C1orf232: variants seen among roughly 807,000 people sequenced by gnomAD.
C1orf232 encodes the protein uncharacterized protein C1orf232.
In C1orf232, 10 loss-of-function variants were observed where a neutral mutation model predicts 12.1. The ratio of observed to expected loss-of-function variants is 0.82; its 90% CI spans 0.51 to 1.40. The LOEUF is 1.40. C1orf232 is among the 40% of genes most tolerant of loss of function. The pLI, the probability that C1orf232 is intolerant of heterozygous loss-of-function variation, is 0.00. For missense variants in C1orf232, 88 were observed against 98.4 expected (o/e 0.89, Z 0.45); for synonymous variants, 36 against 39.8 (o/e 0.90, Z 0.36).
intron 1 of C1orf232, among the ~76,000 whole-genome samples, chr1:26,166,522 G>A (rs1338963622): frequency 1.4e-5 from 2 of 145,374 alleles, no homozygotes; most frequent in African/African-American, 5.2e-5. Flanking sequence ...TTGCCATGTT[G>A]GCCAGGCTGG....
intron 1 of C1orf232, among the ~76,000 whole-genome samples, chr1:26,168,129 G>T (rs762542394): frequency 2.6e-5 from 4 of 152,056 alleles, no homozygotes; most frequent in Non-Finnish European, 5.9e-5. Flanking sequence ...AAGTGTGCCC[G>T]TGTGCCTACT....
Position 26,164,504 on chromosome 1 carries a change from G to A in C1orf232, c.267-49C>T. 2.7e-6 allele frequency: 1 copy of A among 373,358 alleles called. No individual in the cohort carries two copies. The highest frequency in any genetic ancestry group is 3.9e-5 in the East Asian group (1 of 25,362). 23.1% of individuals were successfully genotyped at this position (373,358 alleles called of 1,614,324 possible). A position where few individuals can be genotyped will look rare whatever the true frequency, so the allele number is the denominator to read the frequency against. The stretch of plus-strand genomic sequence containing the variant: ...GGAAGCGGCCGGGCGGTCCCGCGGA[G>A]GAACATCGGCTGGGCTGACGGAGGA... On this transcript the variant is annotated intron_variant, in intron 3 of 3. Transcript: ENST00000634842. The surrounding 1 kb of genome is among the most constrained non-coding windows in gnomAD (Gnocchi z 4.2).
In C1orf232 at chr1:26,164,486, G is replaced by A. The variant is rs775135605; in HGVS notation, c.267-31C>T. 488 of 375,588 alleles carry A rather than the reference G, an allele frequency of 1.3e-3. 2 individuals are homozygous for A. Among genetic ancestry groups the A allele is most frequent in the Middle Eastern group, 2.1e-3 (3 of 1,452 alleles). 23.3% of individuals were successfully genotyped at this position (375,588 alleles called of 1,614,324 possible). On this transcript the variant is annotated intron_variant, in intron 3 of 3. Transcript: ENST00000634842. The surrounding 1 kb of genome is among the most constrained non-coding windows in gnomAD (Gnocchi z 4.2). ...GGAGAGGGCCGCGGTCAGGGAAGCG[G>A]CCGGGCGGTCCCGCGGAGGAACATC...
rs991717615 is a variant in C1orf232, at chr1:26,168,521, G to A, written c.-22C>T. 7 of 1,230,426 alleles carry A rather than the reference G, an allele frequency of 5.7e-6. No individual in the cohort carries two copies. The highest frequency in any genetic ancestry group is 6.1e-6 in the Non-Finnish European group (6 of 986,876). The allele number at this position is 1,230,426 out of a possible 1,614,324, so 76.2% of individuals were successfully genotyped here. A position where few individuals can be genotyped will look rare whatever the true frequency, so the allele number is the denominator to read the frequency against. On this transcript the variant is annotated 5_prime_UTR_variant, in exon 1 of 4. Transcript: ENST00000634842. ...TCATGGCTGCAGGGGGAAGGGGCCTGGCACGCAAGCACAGGAAGGTGGTGG... is the reference window on the plus strand; with the variant it reads ...TCATGGCTGCAGGGGGAAGGGGCCTAGCACGCAAGCACAGGAAGGTGGTGG...
At position 26,164,542 on chromosome 1, in the gene C1orf232, C is replaced by T. The variant is rs2124493695; in HGVS notation, c.267-87G>A. Reference sequence around the variant, plus strand: ...GGCTGACGGAGGAGTTTAGTGGGGCCGGGGGAACCTGGGCGGAGTCAGGGG... The same window carrying T: ...GGCTGACGGAGGAGTTTAGTGGGGCTGGGGGAACCTGGGCGGAGTCAGGGG... On this transcript the variant is annotated intron_variant, in intron 3 of 3. Coordinates refer to ENST00000634842, the MANE Select transcript of C1orf232 (RefSeq NM_001364669.2). The surrounding 1 kb of genome is among the most constrained non-coding windows in gnomAD (Gnocchi z 4.2). The T allele has an allele frequency of 5.6e-6, 2 of 359,022 alleles. No individual in the cohort carries two copies. The highest frequency in any genetic ancestry group is 8.4e-5 in the East Asian group (2 of 23,682). 22.2% of individuals were successfully genotyped at this position (359,022 alleles called of 1,614,324 possible).
intron 1 of C1orf232, 47 bp downstream of exon 1, chr1:26,168,369 C>T: frequency 8.3e-7 from 1 of 1,202,796 alleles, no homozygotes; most frequent in Non-Finnish European, 1.0e-6. Flanking sequence ...CTCATTCCTG[C>T]TGCCCCTCTG....
Position 26,164,301 on chromosome 1 carries a change from C to T in C1orf232, c.421G>A (p.Glu141Lys), listed in dbSNP as rs1406576626. 1 of 397,770 alleles carries T rather than the reference C, an allele frequency of 2.5e-6. No homozygotes were observed. The highest frequency in any genetic ancestry group is 3.6e-5 in the East Asian group (1 of 28,048). 24.6% of individuals were successfully genotyped at this position (397,770 alleles called of 1,614,324 possible). The change falls in exon 4 of 4, where the codon GAA becomes AAA. Residue 141 changes from glutamate (E) to lysine (K), a missense_variant. Glu to Lys is a moderately conservative substitution (Grantham distance 56). Transcript: ENST00000634842. The surrounding 1 kb of genome is among the most constrained non-coding windows in gnomAD (Gnocchi z 4.2). ...GTEPTPEPDP[E>K]PADEAAEEAA... ...TCCTCCGCGGCCTCGTCCGCGGGTTCGGGGTCCGGCTCCGGAGTGGGCTCG... is the reference window on the plus strand; with the variant it reads ...TCCTCCGCGGCCTCGTCCGCGGGTTTGGGGTCCGGCTCCGGAGTGGGCTCG...
In C1orf232 at chr1:26,168,409, C is replaced by T. The variant is rs2088448832; in HGVS notation, c.84+7G>A. 1.6e-6 allele frequency: 2 copies of T among 1,231,800 alleles called. No individual in the cohort carries two copies. Among genetic ancestry groups the T allele is most frequent in the Middle Eastern group, 3.1e-4 (1 of 3,210 alleles). The allele number at this position is 1,231,800 out of a possible 1,614,324, so 76.3% of individuals were successfully genotyped here. A position where few individuals can be genotyped will look rare whatever the true frequency, so the allele number is the denominator to read the frequency against. On this transcript the variant is annotated splice_region_variant and intron_variant, in intron 1 of 3. Transcript: ENST00000634842. The stretch of plus-strand genomic sequence containing the variant: ...TGCTCCACCCACCATGCATGGATGG[C>T]ACCCACCTCCTCTGCCAGGTCTTCT...
rs969981432 is a variant in C1orf232 at position 26,168,449 on chromosome 1, C to A, written c.51G>T (p.Leu17=). The A allele has an allele frequency of 2.2e-5, 27 of 1,231,842 alleles. No homozygotes were observed. The highest frequency in any genetic ancestry group is 2.6e-5 in the Non-Finnish European group (26 of 988,128). The allele number at this position is 1,231,842 out of a possible 1,614,324, so 76.3% of individuals were successfully genotyped here. A position where few individuals can be genotyped will look rare whatever the true frequency, so the allele number is the denominator to read the frequency against. ...CCAGGTCTTCTTCAGATTCCCCACT[C>A]AGGGTCTGTAGCACTTTGGACTTGT... ...KTYKSKVLQT[L]SGESEEDLAE... The change falls in exon 1 of 4, where the codon CTG becomes CTT. Residue 17 remains leucine (L), a synonymous_variant. Transcript: ENST00000634842.
rs1225020857 is a variant in C1orf232, at chr1:26,168,721, T to G, written c.-222A>C. On this transcript the variant is annotated 5_prime_UTR_variant, in exon 1 of 4. Coordinates refer to ENST00000634842, the MANE Select transcript of C1orf232 (RefSeq NM_001364669.2). ...GGGGATGGAACAAGCTTCTGCCACC[T>G]TAGCCCCTTGTCTTGACCCATATTG... is the stretch of plus-strand genomic sequence containing the variant. 2.6e-5 allele frequency: 10 copies of G among 389,770 alleles called. No individual in the cohort carries two copies. Among genetic ancestry groups the G allele is most frequent in the Non-Finnish European group, 4.1e-5 (9 of 221,222 alleles). The allele number at this position is 389,770 out of a possible 1,614,324, so 24.1% of individuals were successfully genotyped here. A position where few individuals can be genotyped will look rare whatever the true frequency, so the allele number is the denominator to read the frequency against.
intron 3 of C1orf232, among the ~76,000 whole-genome samples, chr1:26,165,326 T>C (rs4659409): frequency 0.13 from 19,343 of 152,032 alleles, 2,525 homozygotes; most frequent in East Asian, 0.57. Flanking sequence ...CAGACGGTGG[T>C]TCCCAAAGCT....
chr1:26,165,797 A>C (rs1326591324), intron 3 of C1orf232, 29 bp downstream of exon 3: 1 of 1,231,816 alleles, frequency 8.1e-7, no homozygotes, highest in Non-Finnish European at 1.0e-6. Context: ...GGCCCCTTCC[A>C]GAACCACCAC....
chr1:26,166,620 GA>G (rs1401706804), intron 1 of C1orf232, among the ~76,000 whole-genome samples: 1 of 152,106 alleles, frequency 6.6e-6, no homozygotes, highest in African/African-American at 2.4e-5. Flanking sequence ...CCGAGCTGCA[GA>G]CACCCTTGAG....
intron 1 of C1orf232, among the ~76,000 whole-genome samples, chr1:26,167,276 C>T (rs1456230159): frequency 1.3e-5 from 2 of 152,202 alleles, no homozygotes; most frequent in African/African-American, 2.4e-5. Flanking sequence ...AGTGGAGCCT[C>T]GACCTCCCTG....
chr1:26,164,577 G>C lies in C1orf232; in HGVS notation c.267-122C>G, dbSNP rs1232293019. 2 of 348,476 alleles carry C rather than the reference G, an allele frequency of 5.7e-6. No homozygotes were observed. Among genetic ancestry groups the C allele is most frequent in the South Asian group, 1.5e-4 (1 of 6,740 alleles). The allele number at this position is 348,476 out of a possible 1,614,324, so 21.6% of individuals were successfully genotyped here. Reference sequence around the variant, plus strand: ...TGGGCGGAGTCAGGGGCAGTGGTGAGGAGCGGGGTCAGGTGACCAGTGGGG... The same window carrying C: ...TGGGCGGAGTCAGGGGCAGTGGTGACGAGCGGGGTCAGGTGACCAGTGGGG... On this transcript the variant is annotated intron_variant, in intron 3 of 3. Coordinates refer to ENST00000634842, the MANE Select transcript of C1orf232 (RefSeq NM_001364669.2). This position sits in a 1 kb window ranked among gnomAD's most constrained non-coding sequence, Gnocchi z 4.2.
chr1:26,164,761 T>G lies in C1orf232; in HGVS notation c.267-306A>C, dbSNP rs897186362. 5.3e-5 allele frequency among the ~76,000 whole-genome samples: 8 copies of G among 151,872 alleles called. No homozygotes were observed. Among genetic ancestry groups the G allele is most frequent in the Admixed American group, 3.9e-4 (6 of 15,246 alleles). On this transcript the variant is annotated intron_variant, in intron 3 of 3. Transcript: ENST00000634842. The surrounding 1 kb of genome is among the most constrained non-coding windows in gnomAD (Gnocchi z 4.2). ...CCTGGGGAGAGAATGAGGTCAGGGTTTCAGGCGAGGCTCGAGGAGGGACGC... is the reference window on the plus strand; with the variant it reads ...CCTGGGGAGAGAATGAGGTCAGGGTGTCAGGCGAGGCTCGAGGAGGGACGC...
intron 1 of C1orf232, among the ~76,000 whole-genome samples, chr1:26,167,648 G>GTCTTGC (rs2088440045): frequency 6.6e-6 from 1 of 152,008 alleles, no homozygotes; most frequent in Non-Finnish European, 1.5e-5. Context: ...TTGAGATGGA[G>GTCTTGC]TCTTGCTCTG....
At position 26,168,631 on chromosome 1, in the gene C1orf232, G is replaced by C. The variant is rs1270561512; in HGVS notation, c.-132C>G. 2.0e-6 allele frequency: 1 copy of C among 507,302 alleles called. No homozygotes were observed. Among genetic ancestry groups the C allele is most frequent in the African/African-American group, 2.0e-5 (1 of 50,528 alleles). 31.4% of individuals were successfully genotyped at this position (507,302 alleles called of 1,614,324 possible). On this transcript the variant is annotated 5_prime_UTR_variant, in exon 1 of 4. Transcript: ENST00000634842. ...GGGATCCAGTGACTTCATTAAAGAT[G>C]CACCAGCCTCCCCAGCTGGCACAGT...
chr1:26,168,038 C>T (rs1159603858), intron 1 of C1orf232, among the ~76,000 whole-genome samples: 5 of 152,108 alleles, frequency 3.3e-5, no homozygotes, highest in African/African-American at 7.2e-5. Flanking sequence ...CTAGTACAGG[C>T]GCCACTCCCC....
Sources: gnomAD v4.1 joint callset for allele counts (sites outside exome capture counted in the v4.1 genomes callset) on GRCh38, gnomAD v4.1.1 for gene constraint, Gnocchi (gnomAD v3.1) non-coding constraint, MANE v1.5 for transcripts, NCBI Gene and HGNC (gene_info 2026-07-23, HGNC 2026-07-21) for gene names.